The following EYS variants were observed in gnomAD, a reference collection of about 807,000 sequenced individuals.
The protein encoded by EYS is protein eyes shut homolog.
Under a neutral mutation model 282.1 loss-of-function variants are expected in EYS, and 250 were observed. That is an observed-to-expected ratio of 0.89 (90% CI 0.80 to 0.98). EYS has a LOEUF of 0.98. EYS is among the 50% of genes least tolerant of loss of function. The pLI, the probability that EYS is intolerant of heterozygous loss-of-function variation, is 0.00. For synonymous variants in EYS, 1,355 were observed against 1,282.9 expected (o/e 1.06, Z -1.20); for missense variants, 4,016 against 3,709.0 (o/e 1.08, Z -2.15).
chr6:64,546,374 C>T (rs59705768), intron 26 of EYS, among the ~76,000 whole-genome samples: 8,619 of 152,054 alleles, frequency 0.057, 506 homozygotes, highest in African/African-American at 0.14. Flanking sequence ...AATTAATTCA[C>T]GTGGATTAAA....
chr6:64,952,817 G>A (rs138083073), intron 14 of EYS, among the ~76,000 whole-genome samples: 460 of 151,858 alleles, frequency 3.0e-3, no homozygotes, highest in Non-Finnish European at 4.5e-3. Context: ...ATATTATTGC[G>A]TATTTCTCTA....
chr6:64,682,649 T>G (rs1769940928), intron 22 of EYS, among the ~76,000 whole-genome samples: 2 of 152,100 alleles, frequency 1.3e-5, no homozygotes, highest in Non-Finnish European at 2.9e-5. Context: ...AAGGAGTACT[T>G]TGCATGCAGG....
chr6:64,436,010 C>T (rs1245565833), intron 28 of EYS, among the ~76,000 whole-genome samples, 164 bp downstream of exon 28: 1 of 151,870 alleles, frequency 6.6e-6, no homozygotes, highest in Non-Finnish European at 1.5e-5. Flanking sequence ...TTTCTCAGTA[C>T]ATTTTTTAGA....
chr6:64,236,406 C>A (rs982381138), intron 30 of EYS, among the ~76,000 whole-genome samples: 20 of 152,024 alleles, frequency 1.3e-4, no homozygotes, highest in Admixed American at 9.2e-4. Context: ...AGATTTTTGT[C>A]TGGATGTATG....
chr6:65,579,116 G>A (rs1764782266), intron 2 of EYS, among the ~76,000 whole-genome samples: 1 of 152,102 alleles, frequency 6.6e-6, no homozygotes, highest in Non-Finnish European at 1.5e-5. Flanking sequence ...TTTGACTAAT[G>A]AGAAACTTTT....
chr6:65,622,577 T>A (rs539177587), intron 2 of EYS, among the ~76,000 whole-genome samples: 1 of 152,092 alleles, frequency 6.6e-6, no homozygotes, highest in African/African-American at 2.4e-5. Context: ...GGTGTTAAAA[T>A]TATTTTTCCT....
intron 1 of EYS, among the ~76,000 whole-genome samples, chr6:65,699,910 C>T (rs1352228426): frequency 2.0e-5 from 3 of 151,296 alleles, no homozygotes; most frequent in Admixed American, 6.6e-5. Flanking sequence ...GTCAGGAGAT[C>T]GAGACCATCC....
intron 8 of EYS, among the ~76,000 whole-genome samples, chr6:65,382,541 G>T (rs1368272729): frequency 2.0e-5 from 3 of 148,072 alleles, no homozygotes; most frequent in African/African-American, 7.5e-5. Flanking sequence ...ATTAGTCAAG[G>T]TTCTCTAGGG....
intron 2 of EYS, among the ~76,000 whole-genome samples, chr6:65,569,748 C>G (rs1050618065): frequency 6.6e-6 from 1 of 152,072 alleles, no homozygotes; most frequent in Non-Finnish European, 1.5e-5. Flanking sequence ...ATCTCCAACC[C>G]GACCAATCAG....
chr6:63,740,519 C>A lies in EYS; in HGVS notation c.8072-13839G>T, dbSNP rs148168006. Among the ~76,000 whole-genome samples, 526 of 152,318 alleles carry A rather than the reference C, an allele frequency of 3.5e-3. 4 individuals carry two copies. Among genetic ancestry groups the A allele is most frequent in the African/African-American group, 0.012 (501 of 41,574 alleles). On this transcript the variant is annotated intron_variant, in intron 41 of 42. Transcript: ENST00000503581. ...GATCCTGACTTTTGTTTTCAAAACACTTTGCTTGAAGAGCTGAATATAAGT... is the reference window on the plus strand; with the variant it reads ...GATCCTGACTTTTGTTTTCAAAACAATTTGCTTGAAGAGCTGAATATAAGT...
chr6:64,676,814 T>C (rs9688513), intron 22 of EYS, among the ~76,000 whole-genome samples: 1 of 152,128 alleles, frequency 6.6e-6, no homozygotes, highest in Admixed American at 6.5e-5. Flanking sequence ...CTCTCTCTGG[T>C]CTTTCATAGC....
chr6:64,848,749 A>C (rs1481811277), intron 19 of EYS, among the ~76,000 whole-genome samples: 7 of 152,174 alleles, frequency 4.6e-5, no homozygotes, highest in Non-Finnish European at 8.8e-5. Flanking sequence ...AAATTTAGAG[A>C]TTGCCACCAT....
At chr6:65,397,681 A>G (rs576813476) in intron 7 of EYS, among the ~76,000 whole-genome samples, 1 of 150,688 alleles carries the variant, frequency 6.6e-6, no homozygotes, top group Non-Finnish European at 1.5e-5. Flanking sequence ...GGCTGATTCC[A>G]TGACTTTGCT....
In EYS at chr6:63,942,098, CA is replaced by C. The variant is rs535634716; in HGVS notation, c.7055+42284del. Among the ~76,000 whole-genome samples, 21 of 152,220 alleles carry C rather than the reference CA, an allele frequency of 1.4e-4. No homozygotes were observed. In the South Asian group the frequency reaches 4.2e-3, roughly 30 times the overall value. Reference sequence around the variant, plus strand: ...GATGTCTCTAATTCAGCCTCTAGATCAGGGGGTTATAAGGATCTTTAAGGCT... The same window carrying C: ...GATGTCTCTAATTCAGCCTCTAGATCGGGGGTTATAAGGATCTTTAAGGCT... On this transcript the variant is annotated intron_variant, in intron 35 of 42. Transcript: ENST00000503581.
intron 8 of EYS, among the ~76,000 whole-genome samples, chr6:65,378,133 A>C (rs1424196364): frequency 6.6e-6 from 1 of 152,206 alleles, no homozygotes; most frequent in Non-Finnish European, 1.5e-5. Flanking sequence ...CAATCTATCC[A>C]TCTGACAAAG....
chr6:64,656,205 A>G (rs1037219168), intron 22 of EYS, among the ~76,000 whole-genome samples: 1 of 152,010 alleles, frequency 6.6e-6, no homozygotes, highest in Admixed American at 6.6e-5. Context: ...AAAAAAATAA[A>G]TGCTGCTATG....
chr6:65,159,140 A>G (rs918694867), intron 12 of EYS, among the ~76,000 whole-genome samples: 6 of 150,854 alleles, frequency 4.0e-5, no homozygotes, highest in Non-Finnish European at 8.9e-5. Flanking sequence ...TTGCCCCTCT[A>G]TTCAAGTTTA....
intron 35 of EYS, among the ~76,000 whole-genome samples, chr6:63,955,164 AC>A (rs1213419522): frequency 7.2e-5 from 11 of 151,844 alleles, no homozygotes. Context: ...CTTCTGTCAA[AC>A]ATAATTCCTT....
chr6:65,541,170 G>A (rs1234879973), intron 2 of EYS, among the ~76,000 whole-genome samples: 7 of 151,954 alleles, frequency 4.6e-5, no homozygotes, highest in Non-Finnish European at 7.4e-5. Flanking sequence ...AAGTTAGGTG[G>A]TGCCACTTTA....
Sources: gnomAD v4.1 joint callset for allele counts (sites outside exome capture counted in the v4.1 genomes callset) on GRCh38, gnomAD v4.1.1 for gene constraint, MANE v1.5 for transcripts, NCBI Gene and HGNC (gene_info 2026-07-23, HGNC 2026-07-21) for gene names.